MKKS: variants seen among roughly 807,000 people sequenced by gnomAD.
MKKS encodes the protein MKKS centrosomal shuttling protein, also known as molecular chaperone MKKS.
Under a neutral mutation model 33.2 loss-of-function variants are expected in MKKS, and 29 were observed. The observed-to-expected ratio is 0.87, with a 90% CI of 0.65 to 1.19. The LOEUF is 1.19. Among genes scored for constraint, MKKS ranks in the 50% most tolerant of loss-of-function variants. The pLI is 0.00. For synonymous variants in MKKS, 260 were observed against 244.0 expected (o/e 1.07, Z -0.61); for missense variants, 661 against 662.3 (o/e 1.00, Z 0.02).
In MKKS at chr20:10,413,338, C is replaced by T. The variant is rs964642417; in HGVS notation, c.177G>A (p.Gln59=). 8 of 1,614,158 alleles carry T rather than the reference C, an allele frequency of 5.0e-6. No homozygotes were observed. Among genetic ancestry groups the T allele is most frequent in the Non-Finnish European group, 6.8e-6 (8 of 1,180,004 alleles). ...GFGGYVCTTS[Q]SSALLSHLLV... is the part of the protein sequence containing the mutation. ...AAAGGTGACTGAGCAGAGCTGAGGA[C>T]TGTGAGGTTGTACACACGTAACCTC... Residue 59 remains glutamine, a synonymous_variant, in exon 3 of 6, where the codon CAG becomes CAA. Coordinates refer to ENST00000347364, the MANE Select transcript of MKKS (RefSeq NM_170784.3).
intron 1 of MKKS, among the ~76,000 whole-genome samples, chr20:10,433,600 C>A (rs1209709448): frequency 6.6e-6 from 1 of 152,210 alleles, no homozygotes; most frequent in African/African-American, 2.4e-5. Flanking sequence ...AGAGGGTCAT[C>A]CCTACAAGGT....
chr20:10,417,224 T>C (rs1450726309), intron 2 of MKKS, among the ~76,000 whole-genome samples: 1 of 138,236 alleles, frequency 7.2e-6, no homozygotes, highest in Non-Finnish European at 1.5e-5. Flanking sequence ...GCAGCCTGGG[T>C]GACAGAGTGA....
intron 3 of MKKS, among the ~76,000 whole-genome samples, chr20:10,412,104 A>C (rs2064892758): frequency 6.6e-6 from 1 of 152,216 alleles, no homozygotes; most frequent in African/African-American, 2.4e-5. Context: ...CTTAAGGAGA[A>C]GTACAGAAGT....
chr20:10,428,534 A>G (rs1055271952), intron 1 of MKKS, among the ~76,000 whole-genome samples: 17 of 152,158 alleles, frequency 1.1e-4, no homozygotes, highest in African/African-American at 3.9e-4. Flanking sequence ...TGTGCACCTT[A>G]GCTCTCAACT....
chr20:10,405,627 A>T lies in MKKS; in HGVS notation c.1333T>A (p.Leu445Ile), dbSNP rs754132134. 1 of 1,614,170 alleles carries T rather than the reference A, an allele frequency of 6.2e-7. No individual in the cohort carries two copies. The highest frequency in any genetic ancestry group is 8.5e-7 in the Non-Finnish European group (1 of 1,179,998). Residue 445 changes from leucine (L) to isoleucine (I), a missense_variant, in exon 6 of 6, where the codon TTA becomes ATA. By Grantham distance (5) the Leu-to-Ile change is conservative (BLOSUM62 2). Coordinates refer to ENST00000347364, the MANE Select transcript of MKKS (RefSeq NM_170784.3). ...DDECTQTELQLIAEAFCSALE... is the reference protein window; with the variant it reads ...DDECTQTELQIIAEAFCSALE... ...GCACTGCAAAATGCTTCAGCAATTA[A>T]TTGAAGTTCTGTTTGAGTACATTCA...
In MKKS at chr20:10,407,690, T is replaced by A; in HGVS notation, c.1198A>T (p.Thr400Ser). 6.2e-7 allele frequency: 1 copy of A among 1,614,014 alleles called. No individual in the cohort carries two copies. Among genetic ancestry groups the A allele is most frequent in the Non-Finnish European group, 8.5e-7 (1 of 1,179,922 alleles). ...CQTALHVLQL[T>S]LKEPWALLGG... ...AACAAAGCCCATGGTTCCTTGAGTG[T>A]TAACTGCAGGACATGCAGTGCCGTC... The change falls in exon 5 of 6, where the codon ACA (threonine) becomes TCA (serine). Residue 400 changes from threonine to serine, a missense_variant. Physicochemically the swap from Thr to Ser is moderately conservative, Grantham distance 58. Coordinates refer to ENST00000347364, the MANE Select transcript of MKKS (RefSeq NM_170784.3).
chr20:10,414,265 C>CT (rs533171103), intron 2 of MKKS, among the ~76,000 whole-genome samples: 6,381 of 132,306 alleles, frequency 0.048, 510 homozygotes, highest in African/African-American at 0.16. Context: ...GTCTCTGAGT[C>CT]TTTTTTTTTT....
chr20:10,432,964 C>T (rs576909367), intron 1 of MKKS, among the ~76,000 whole-genome samples: 113 of 152,264 alleles, frequency 7.4e-4, no homozygotes, highest in Non-Finnish European at 1.0e-3. Flanking sequence ...AAGGTCTGCA[C>T]GTGTTCAGTA....
chr20:10,422,948 C>T (rs191641136), intron 1 of MKKS, among the ~76,000 whole-genome samples: 137 of 152,046 alleles, frequency 9.0e-4, no homozygotes, highest in African/African-American at 3.1e-3. Flanking sequence ...CCTGACCTTG[C>T]GATCCGCTCG....
At chr20:10,405,752 T>C in intron 5 of MKKS, 65 bp from the exon 6 acceptor site, 1 of 1,363,850 alleles carries the variant, frequency 7.3e-7, no homozygotes, top group Non-Finnish European at 1.0e-6. Context: ...TTCAGAAAAA[T>C]AAGATACTGA....
intron 4 of MKKS, 47 bp downstream of exon 4, chr20:10,408,581 A>C: frequency 1.3e-6 from 2 of 1,591,388 alleles, no homozygotes; most frequent in South Asian, 2.2e-5. Context: ...TGAGTGACTA[A>C]TTCCTCCCTC....
intron 2 of MKKS, among the ~76,000 whole-genome samples, chr20:10,414,827 A>C (rs1330877696): frequency 6.6e-6 from 1 of 152,216 alleles, no homozygotes; most frequent in Non-Finnish European, 1.5e-5. Context: ...CCATGTTTTA[A>C]ACACCTGGCT....
chr20:10,414,271 T>C (rs1457660609), intron 2 of MKKS, among the ~76,000 whole-genome samples: 1 of 151,154 alleles, frequency 6.6e-6, no homozygotes, highest in Non-Finnish European at 1.5e-5. Context: ...GAGTCTTTTT[T>C]TTTTTTTTTT....
At chr20:10,409,977 C>CAAAA (rs58776463) in intron 3 of MKKS, among the ~76,000 whole-genome samples, 11 of 54,234 alleles carry the variant, frequency 2.0e-4, no homozygotes, top group African/African-American at 6.4e-4. Context: ...GACTTTGTCT[C>CAAAA]AAAAAAAAAA....
chr20:10,408,613 AAGTT>A lies in MKKS; in HGVS notation c.1161+11_1161+14del. The stretch of plus-strand genomic sequence containing the variant: ...CCTCAGCCTCTGCATATGGAATTCA[AAGTT>A]CATTACCTACCTTCAGCTCATCCCA... On this transcript the variant is annotated intron_variant, in intron 4 of 5. Transcript: ENST00000347364. 3 of 1,613,514 alleles carry A rather than the reference AAGTT, an allele frequency of 1.9e-6. No individual in the cohort carries two copies. The highest frequency in any genetic ancestry group is 2.5e-6 in the Non-Finnish European group (3 of 1,179,568).
In MKKS at chr20:10,413,349, T is replaced by C. The variant is rs1199771530; in HGVS notation, c.166A>G (p.Thr56Ala). The part of the protein sequence containing the change: ...LHNGFGGYVC[T>A]TSQSSALLSH... The stretch of plus-strand genomic sequence containing the variant: ...AGCAGAGCTGAGGACTGTGAGGTTG[T>C]ACACACGTAACCTCCAAAGCCATTG... The change falls in exon 3 of 6, where the codon ACA becomes GCA. Residue 56 changes from threonine (T) to alanine (A), a missense_variant. Coordinates refer to ENST00000347364, the MANE Select transcript of MKKS (RefSeq NM_170784.3). 3 of 1,614,096 alleles carry C rather than the reference T, an allele frequency of 1.9e-6. No individual in the cohort carries two copies. Among genetic ancestry groups the C allele is most frequent in the Non-Finnish European group, 2.5e-6 (3 of 1,179,958 alleles).
In MKKS at chr20:10,407,858, G is replaced by A. The variant is rs6133907; in HGVS notation, c.1162-132C>T. ...TACAAAAGAACAAAACTTGTGTGGT[G>A]CCAAGGTTGTCATGTGATTAATACA... is the stretch of plus-strand genomic sequence containing the variant. On this transcript the variant is annotated intron_variant, in intron 4 of 5. Coordinates refer to ENST00000347364, the MANE Select transcript of MKKS (RefSeq NM_170784.3). The A allele has an allele frequency of 0.13, 98,976 of 733,570 alleles. 7,780 individuals are homozygous for A. Among genetic ancestry groups the A allele is most frequent in the East Asian group, 0.24 (9,022 of 36,834 alleles). The allele number at this position is 733,570 out of a possible 1,614,324, so 45.4% of individuals were successfully genotyped here. A position where few individuals can be genotyped will look rare whatever the true frequency, so the allele number is the denominator to read the frequency against.
chr20:10,429,671 CA>C (rs768083407), intron 1 of MKKS, among the ~76,000 whole-genome samples: 2 of 152,174 alleles, frequency 1.3e-5, no homozygotes, highest in Non-Finnish European at 2.9e-5. Context: ...TCATGCTCCT[CA>C]TCAACTCACT....
In MKKS at chr20:10,405,362, G is replaced by T; in HGVS notation, c.1598C>A (p.Ser533Ter). ...QSCLPHEAVG[S>*]ASNLTLDCLT... ...ACAGTCCAAGGTCAGGTTGCTGGCT[G>T]AGCCCACAGCTTCATGTGGAAGGCA... The change falls in exon 6 of 6, where the codon TCA (serine) becomes TAA (stop). Residue 533 changes from serine (S) to a stop codon, truncating the protein, a stop_gained. Transcript: ENST00000347364. LOFTEE classifies it high-confidence loss of function. 1.2e-6 allele frequency: 2 copies of T among 1,614,206 alleles called. No homozygotes were observed. Among genetic ancestry groups the T allele is most frequent in the Non-Finnish European group, 1.7e-6 (2 of 1,180,032 alleles).
Sources: gnomAD v4.1 joint callset for allele counts (sites outside exome capture counted in the v4.1 genomes callset) on GRCh38, gnomAD v4.1.1 for gene constraint, MANE v1.5 for transcripts, NCBI Gene and HGNC (gene_info 2026-07-23, HGNC 2026-07-21) for gene names.